The following PCDHGA4 variants were observed in gnomAD, a reference collection of about 807,000 sequenced individuals.
The protein encoded by PCDHGA4 is protocadherin gamma-A4.
In PCDHGA4, 38 loss-of-function variants were observed where a neutral mutation model predicts 54.6. That is an observed-to-expected ratio of 0.70 (90% CI 0.54 to 0.91). PCDHGA4 has a LOEUF of 0.91. Among genes scored for constraint, PCDHGA4 ranks in the 40% least tolerant of loss-of-function variants. PCDHGA4 has a pLI of 0.00. For missense variants in PCDHGA4, 1,298 were observed against 1,220.9 expected (o/e 1.06, Z -0.94); for synonymous variants, 511 against 512.9 (o/e 1.00, Z 0.05).
chr5:141,476,417 C>A lies in PCDHGA4; in HGVS notation c.2515-18390C>A. ...GGATCGAGAGGAGCTGTGTGGGACA[C>A]TGCCCTCTTGCACTGTAACTCTGGA... is the stretch of plus-strand genomic sequence containing the variant. On this transcript the variant is annotated intron_variant, in intron 1 of 3. Coordinates refer to ENST00000571252, the MANE Select transcript of PCDHGA4 (RefSeq NM_018917.4). This position sits in a 1 kb window ranked among gnomAD's most constrained non-coding sequence, Gnocchi z 7.6. The A allele has an allele frequency of 6.2e-7, 1 of 1,614,112 alleles. No homozygotes were observed. The highest frequency in any genetic ancestry group is 8.5e-7 in the Non-Finnish European group (1 of 1,179,994).
rs144203659 is a variant in PCDHGA4, at chr5:141,431,011, G to A, written c.2515-63796G>A. The A allele has an allele frequency of 1.5e-5, 24 of 1,613,168 alleles. No individual in the cohort carries two copies. The highest frequency in any genetic ancestry group is 1.7e-5 in the Non-Finnish European group (20 of 1,179,310). ...CCCTGAATCCGCGCAGCGGCAGCTTGGTCACGGCGGGCAGGATAGACCGGG... is the reference window on the plus strand; with the variant it reads ...CCCTGAATCCGCGCAGCGGCAGCTTAGTCACGGCGGGCAGGATAGACCGGG... On this transcript the variant is annotated intron_variant, in intron 1 of 3. Transcript: ENST00000571252. This position sits in a 1 kb window ranked among gnomAD's most constrained non-coding sequence, Gnocchi z 4.8.
rs770468191 is a variant in PCDHGA4, at chr5:141,478,296, A to G, written c.2515-16511A>G. On this transcript the variant is annotated intron_variant, in intron 1 of 3. Coordinates refer to ENST00000571252, the MANE Select transcript of PCDHGA4 (RefSeq NM_018917.4). ...AAGTGGAAGCAGTCTAGAGACCTAT[A>G]CCGAGCCCCGGTGAGCTCACTGTAC... is the stretch of plus-strand genomic sequence containing the variant. The G allele has an allele frequency of 9.3e-6, 15 of 1,613,962 alleles. No individual in the cohort carries two copies. Among genetic ancestry groups the G allele is most frequent in the African/African-American group, 6.7e-5 (5 of 74,930 alleles).
intron 1 of PCDHGA4, among the ~76,000 whole-genome samples, chr5:141,492,108 C>T (rs1331001233): frequency 2.6e-5 from 4 of 152,232 alleles, no homozygotes; most frequent in African/African-American, 9.6e-5. Flanking sequence ...TAGATTTCCT[C>T]TTCGATTTCT....
In PCDHGA4 at chr5:141,357,194, C is replaced by A. The variant is rs2149794911; in HGVS notation, c.2087C>A (p.Ala696Asp). The A allele has an allele frequency of 6.2e-7, 1 of 1,613,764 alleles. No individual in the cohort carries two copies. Residue 696 changes from alanine (A) to aspartate (D), a missense_variant, in exon 1 of 4, where the codon GCC (alanine) becomes GAC (aspartate). Transcript: ENST00000571252. ...ACCGTCACACTCACTGTGGCTGTGG[C>A]CGACAGCATCCCAGATGTCCTGGCT... ...SATVTLTVAV[A>D]DSIPDVLADL... is the part of the protein sequence containing the mutation.
chr5:141,379,878 T>C (rs1775912256), intron 1 of PCDHGA4, among the ~76,000 whole-genome samples: 1 of 147,082 alleles, frequency 6.8e-6, no homozygotes, highest in African/African-American at 2.5e-5. Flanking sequence ...TTTTATGGTC[T>C]GTGAAAGCCT....
rs774630488 is a variant in PCDHGA4 at position 141,490,640 on chromosome 5, G to A, written c.2515-4167G>A. On this transcript the variant is annotated intron_variant, in intron 1 of 3. Transcript: ENST00000571252. The surrounding 1 kb of genome is among the most constrained non-coding windows in gnomAD (Gnocchi z 5.4). Reference sequence around the variant, plus strand: ...TACACTGCTTACATCCTAGAAAACCGGCCTCCGGGCTCCCTTCTTTGCACT... The same window carrying A: ...TACACTGCTTACATCCTAGAAAACCAGCCTCCGGGCTCCCTTCTTTGCACT... 2.6e-5 allele frequency: 42 copies of A among 1,614,004 alleles called. No individual in the cohort carries two copies. The highest frequency in any genetic ancestry group is 1.6e-4 in the Middle Eastern group (1 of 6,084).
chr5:141,509,645 G>C (rs138497208), intron 3 of PCDHGA4, among the ~76,000 whole-genome samples: 8 of 152,338 alleles, frequency 5.3e-5, no homozygotes, highest in African/African-American at 1.9e-4. Context: ...GCCAGGGCCA[G>C]AGTGTGGACT....
chr5:141,385,196 G>T, intron 1 of PCDHGA4: 1 of 1,614,230 alleles, frequency 6.2e-7, no homozygotes, highest in South Asian at 1.1e-5. Flanking sequence ...TCTCGGAAGA[G>T]TCACCTGATC....
chr5:141,380,372 C>T lies in PCDHGA4; in HGVS notation c.2514+22751C>T, dbSNP rs73265858. On this transcript the variant is annotated intron_variant, in intron 1 of 3. Transcript: ENST00000571252. ...TTGTTTGTTTTTTAGAAAAAAAAGT[C>T]CCAAAAAAGAAAAGAGAGAAGATAA... 8.4e-3 allele frequency among the ~76,000 whole-genome samples: 1,279 copies of T among 152,058 alleles called. 17 individuals are homozygous for T. Among genetic ancestry groups the T allele is most frequent in the African/African-American group, 0.029 (1,214 of 41,474 alleles).
intron 1 of PCDHGA4, among the ~76,000 whole-genome samples, chr5:141,396,910 A>G (rs1335319555): frequency 1.3e-5 from 2 of 152,208 alleles, no homozygotes; most frequent in Non-Finnish European, 2.9e-5. Flanking sequence ...GCACTTTGCA[A>G]TTTTAAAAAC....
chr5:141,361,392 T>A, intron 1 of PCDHGA4: 1 of 1,613,882 alleles, frequency 6.2e-7, no homozygotes, highest in South Asian at 1.1e-5. Flanking sequence ...CAGAATACAA[T>A]CTCACCATCA....
intron 1 of PCDHGA4, among the ~76,000 whole-genome samples, chr5:141,445,945 C>G (rs1433543714): frequency 1.3e-5 from 2 of 152,254 alleles, no homozygotes; most frequent in Non-Finnish European, 2.9e-5. Flanking sequence ...TAAGCTTACT[C>G]TGGCTGCTAT....
chr5:141,494,926 G>T, intron 2 of PCDHGA4, 61 bp downstream of exon 2: 1 of 1,613,498 alleles, frequency 6.2e-7, no homozygotes, highest in Non-Finnish European at 8.5e-7. Flanking sequence ...GGATGACGTG[G>T]GAGGAGATGG....
chr5:141,389,874 G>A, intron 1 of PCDHGA4: 1 of 1,614,072 alleles, frequency 6.2e-7, no homozygotes, highest in Non-Finnish European at 8.5e-7. Context: ...GGTCTTCGCC[G>A]ACAGCTTGCA....
intron 1 of PCDHGA4, among the ~76,000 whole-genome samples, chr5:141,465,348 A>C (rs886810999): frequency 6.6e-6 from 1 of 152,158 alleles, no homozygotes; most frequent in African/African-American, 2.4e-5. Context: ...GTTACTGAAG[A>C]AAAAATGGGT....
At chr5:141,435,306 T>C (rs2154556603) in intron 1 of PCDHGA4, among the ~76,000 whole-genome samples, 1 of 152,358 alleles carries the variant, frequency 6.6e-6, no homozygotes, top group East Asian at 1.9e-4. Flanking sequence ...TGGTTTTAAA[T>C]CATTCATGAA....
At chr5:141,371,474 T>A in intron 1 of PCDHGA4, 1 of 1,613,986 alleles carries the variant, frequency 6.2e-7, no homozygotes, top group South Asian at 1.1e-5. Flanking sequence ...AAGAAGATGC[T>A]GAGCTGGGGA....
chr5:141,441,973 C>A lies in PCDHGA4; in HGVS notation c.2515-52834C>A, dbSNP rs1457832429. The A allele has an allele frequency of 3.7e-5, 11 of 296,542 alleles. No individual in the cohort carries two copies. In the Admixed American group the frequency reaches 4.9e-4, roughly 13 times the overall value. 18.4% of individuals were successfully genotyped at this position (296,542 alleles called of 1,614,324 possible). A position where few individuals can be genotyped will look rare whatever the true frequency, so the allele number is the denominator to read the frequency against. ...GGCCAGCAAGCCCAGGCTCTTCAGC[C>A]TGGAATGCGCACCGACGAGGTGCTG... On this transcript the variant is annotated intron_variant, in intron 1 of 3. Coordinates refer to ENST00000571252, the MANE Select transcript of PCDHGA4 (RefSeq NM_018917.4).
At chr5:141,423,471 G>A in intron 1 of PCDHGA4, 1 of 1,614,052 alleles carries the variant, frequency 6.2e-7, no homozygotes, top group South Asian at 1.1e-5. Context: ...ACGGGGTACA[G>A]GCTTTCCTGC....
Sources: allele counts gnomAD v4.1 joint callset (sites outside exome capture counted in the v4.1 genomes callset), GRCh38; gene constraint gnomAD v4.1.1; non-coding constraint Gnocchi (gnomAD v3.1); transcripts MANE v1.5; gene names NCBI Gene and HGNC (gene_info 2026-07-23, HGNC 2026-07-21).